LRRC4C: variants seen among roughly 807,000 people sequenced by gnomAD.
LRRC4C encodes leucine-rich repeat-containing protein 4C.
Under a neutral mutation model 33.6 loss-of-function variants are expected in LRRC4C, and 5 were observed. The observed-to-expected ratio is 0.15, with a 90% CI of 0.08 to 0.31. LRRC4C has a LOEUF of 0.31. Ranked by LOEUF, LRRC4C falls within the 10% of genes least tolerant of loss-of-function variation. The pLI is 1.00. For synonymous variants in LRRC4C, 329 were observed against 302.0 expected, an observed-to-expected ratio of 1.09 and a Z score of -0.93; for missense variants, 560 against 796.7, an observed-to-expected ratio of 0.70 and a Z score of 3.58.
At chr11:40,232,063 G>C (rs935463430) in intron 5 of LRRC4C, among the ~76,000 whole-genome samples, 3 of 152,178 alleles carry the variant, frequency 2.0e-5, no homozygotes, top group Non-Finnish European at 4.4e-5. Context: ...CTGGAGTGCA[G>C]TGGCATGATC....
chr11:41,283,902 A>G (rs892745574), intron 1 of LRRC4C, among the ~76,000 whole-genome samples: 1 of 152,208 alleles, frequency 6.6e-6, no homozygotes, highest in African/African-American at 2.4e-5. Flanking sequence ...AATACAGGTA[A>G]TAATAGTACC....
chr11:41,237,375 T>C (rs1247534837), intron 1 of LRRC4C, among the ~76,000 whole-genome samples: 1 of 152,126 alleles, frequency 6.6e-6, no homozygotes, highest in Non-Finnish European at 1.5e-5. Context: ...AAGGGAATGT[T>C]AACTGTGAAG....
At chr11:40,230,793 G>A (rs1865144125) in intron 5 of LRRC4C, among the ~76,000 whole-genome samples, 2 of 152,132 alleles carry the variant, frequency 1.3e-5, no homozygotes, top group South Asian at 4.1e-4. Flanking sequence ...AAATATAGAT[G>A]CTTAGAAAGA....
Position 40,114,470 on chromosome 11 carries a change from G to A in LRRC4C, c.1823C>T (p.Thr608Ile). 1 of 1,614,100 alleles carries A rather than the reference G, an allele frequency of 6.2e-7. No individual in the cohort carries two copies. The highest frequency in any genetic ancestry group is 8.5e-7 in the Non-Finnish European group (1 of 1,180,014). The part of the protein sequence containing the change: ...YNSYKSPFNH[T>I]TTVNTINSIH... ...TGAATTTATTGTGTTAACTGTTGTT[G>A]TGTGGTTGAAGGGAGATTTGTATGA... Residue 608 changes from threonine (T) to isoleucine (I), a missense_variant, in exon 7 of 7, where the codon ACA (threonine) becomes ATA (isoleucine). Physicochemically the swap from Thr to Ile is moderately conservative, Grantham distance 89. This residue lies in a region of LRRC4C where 103 missense variants were observed against 132.1 expected (regional missense o/e 0.78). Transcript: ENST00000528697.
At chr11:40,271,369 C>T (rs527890748) in intron 4 of LRRC4C, among the ~76,000 whole-genome samples, 12 of 152,218 alleles carry the variant, frequency 7.9e-5, no homozygotes, top group African/African-American at 2.4e-4. Context: ...AAGAGTTAAA[C>T]GAATTTCGCT....
intron 1 of LRRC4C, among the ~76,000 whole-genome samples, chr11:41,283,298 T>C (rs1949726186): frequency 6.6e-6 from 1 of 152,216 alleles, no homozygotes; most frequent in Non-Finnish European, 1.5e-5. Flanking sequence ...ATATTCATCA[T>C]AACATCATTT....
chr11:41,437,701 C>A (rs190153250), intron 1 of LRRC4C, among the ~76,000 whole-genome samples: 355 of 152,232 alleles, frequency 2.3e-3, no homozygotes, highest in African/African-American at 6.8e-3. Flanking sequence ...AATCTCCTGA[C>A]TTTTTTGCGC....
At chr11:40,985,166 T>C (rs1165365656) in intron 1 of LRRC4C, among the ~76,000 whole-genome samples, 1 of 152,042 alleles carries the variant, frequency 6.6e-6, no homozygotes, top group South Asian at 2.1e-4. Flanking sequence ...GGGCTTAGTT[T>C]AGCATGAAAA....
At chr11:41,080,573 G>A (rs1009839126) in intron 1 of LRRC4C, among the ~76,000 whole-genome samples, 3 of 151,908 alleles carry the variant, frequency 2.0e-5, no homozygotes, top group African/African-American at 7.3e-5. Context: ...GGCTGGTCTC[G>A]AACTCCCGAC....
chr11:40,816,124 C>T (rs1450634574), intron 2 of LRRC4C, among the ~76,000 whole-genome samples: 1 of 152,060 alleles, frequency 6.6e-6, no homozygotes, highest in East Asian at 1.9e-4. Context: ...CTCAAAGAGA[C>T]CAAAGTTGAG....
rs546111060 is a variant in LRRC4C at position 41,215,322 on chromosome 11, T to A, written c.-496+244109A>T. ...GGCCAACATGGTGAAACCCTGCCTC[T>A]ACTAAAAATACAAAAAGTAGCTGGA... is the stretch of plus-strand genomic sequence containing the variant. On this transcript the variant is annotated intron_variant, in intron 1 of 6. Transcript: ENST00000528697. 7.2e-5 allele frequency among the ~76,000 whole-genome samples: 11 copies of A among 151,730 alleles called. No individual in the cohort carries two copies. In the South Asian group the frequency reaches 2.3e-3, roughly 32 times the overall value.
intron 1 of LRRC4C, among the ~76,000 whole-genome samples, chr11:41,094,136 C>T (rs1222168211): frequency 1.3e-5 from 2 of 149,326 alleles, no homozygotes; most frequent in Non-Finnish European, 3.0e-5. Flanking sequence ...AAAAAAGTGA[C>T]AGACTTGACT....
chr11:41,118,909 CT>C (rs926373365), intron 1 of LRRC4C, among the ~76,000 whole-genome samples: 6 of 148,040 alleles, frequency 4.1e-5, no homozygotes, highest in African/African-American at 9.9e-5. Context: ...CTTTTCTTAT[CT>C]TTTTTTTTCA....
At position 40,260,376 on chromosome 11, in the gene LRRC4C, G is replaced by A. The variant is rs1486173721; in HGVS notation, c.-175-18778C>T. 2.0e-5 allele frequency among the ~76,000 whole-genome samples: 3 copies of A among 147,500 alleles called. No homozygotes were observed. In the Middle Eastern group the frequency reaches 9.7e-3, roughly 476 times the overall value. ...CAATGAGAACACATGGACACAGGAAGGGGAACCTCACACTCTGGAGACTGT... is the reference window on the plus strand; with the variant it reads ...CAATGAGAACACATGGACACAGGAAAGGGAACCTCACACTCTGGAGACTGT... On this transcript the variant is annotated intron_variant, in intron 4 of 6. Coordinates refer to ENST00000528697, the MANE Select transcript of LRRC4C (RefSeq NM_001258419.2).
intron 1 of LRRC4C, among the ~76,000 whole-genome samples, chr11:41,008,321 G>A (rs1225364543): frequency 6.6e-6 from 1 of 151,964 alleles, no homozygotes. Context: ...TCTTTAACTG[G>A]CCTACAAAAC....
chr11:40,270,858 TATC>T (rs1942643425), intron 4 of LRRC4C, among the ~76,000 whole-genome samples: 1 of 152,160 alleles, frequency 6.6e-6, no homozygotes, highest in Non-Finnish European at 1.5e-5. Flanking sequence ...CATTGAGAGT[TATC>T]ATATGTATCG....
At chr11:40,587,383 A>G (rs1265900184) in intron 3 of LRRC4C, among the ~76,000 whole-genome samples, 5 of 146,262 alleles carry the variant, frequency 3.4e-5, no homozygotes, top group Non-Finnish European at 6.0e-5. Context: ...GGGCTGAGAC[A>G]ATGGGGTTTT....
chr11:40,161,062 A>T (rs529889919), intron 5 of LRRC4C, among the ~76,000 whole-genome samples: 44 of 152,348 alleles, frequency 2.9e-4, no homozygotes, highest in Middle Eastern at 3.4e-3. Context: ...CATGTTACCT[A>T]AATATTTCCA....
intron 1 of LRRC4C, among the ~76,000 whole-genome samples, chr11:41,355,110 C>A (rs1037186704): frequency 1.3e-5 from 2 of 151,884 alleles, no homozygotes; most frequent in African/African-American, 4.8e-5. Context: ...AAGGATCTAT[C>A]CAGAATGTAC....
Sources: gnomAD v4.1 joint callset for allele counts (sites outside exome capture counted in the v4.1 genomes callset) on GRCh38, gnomAD v4.1.1 for gene constraint, gnomAD v4.1.1 regional missense constraint, MANE v1.5 for transcripts, NCBI Gene and HGNC (gene_info 2026-07-23, HGNC 2026-07-21) for gene names.